BLTP3A: variants seen among roughly 807,000 people sequenced by gnomAD.
The protein encoded by BLTP3A is ICBP90 binding protein 1.
chr6:34,871,133 GT>G, the BLTP3A span: 1 of 1,602,332 alleles, frequency 6.2e-7, no homozygotes, highest in Non-Finnish European at 8.5e-7. Flanking sequence ...GGAACCTTTG[GT>G]TTTTGCCAAT....
chr6:34,853,882 C>G, the BLTP3A span, among the ~76,000 whole-genome samples: 1 of 151,856 alleles, frequency 6.6e-6, no homozygotes. Context: ...TTATATCAAG[C>G]AAAAGTTAAA....
the BLTP3A span, among the ~76,000 whole-genome samples, chr6:34,838,811 G>A: frequency 1.3e-5 from 2 of 152,134 alleles, no homozygotes; most frequent in Admixed American, 1.3e-4. Flanking sequence ...GGGCGTGGTG[G>A]CACACACCCG....
the BLTP3A span, chr6:34,864,273 A>G: frequency 7.4e-7 from 1 of 1,348,090 alleles, no homozygotes; most frequent in East Asian, 2.3e-5. Flanking sequence ...TCAGACTGGC[A>G]GGGCTAAAGA....
At chr6:34,832,124 T>TC in the BLTP3A span, among the ~76,000 whole-genome samples, 1 of 46,712 alleles carries the variant, frequency 2.1e-5, no homozygotes, top group African/African-American at 2.8e-4. Flanking sequence ...TTTTTCTTTC[T>TC]TTTTTTTTTT....
chr6:34,856,842 C>A, the BLTP3A span: 11 of 1,614,054 alleles, frequency 6.8e-6, no homozygotes, highest in Admixed American at 1.8e-4. Context: ...CCTCTCAGGG[C>A]AGACAGCCTG....
At chr6:34,814,430 T>G in the BLTP3A span, among the ~76,000 whole-genome samples, 1 of 152,086 alleles carries the variant, frequency 6.6e-6, no homozygotes, top group Non-Finnish European at 1.5e-5. Flanking sequence ...ATCCATTTTT[T>G]GTTGACTCCT....
At chr6:34,855,205 G>T in the BLTP3A span, among the ~76,000 whole-genome samples, 2 of 152,176 alleles carry the variant, frequency 1.3e-5, no homozygotes, top group Non-Finnish European at 2.9e-5. Flanking sequence ...AATAATATAG[G>T]TTATTGTTTT....
At chr6:34,871,426 A>G in the BLTP3A span, among the ~76,000 whole-genome samples, 3 of 152,184 alleles carry the variant, frequency 2.0e-5, no homozygotes, top group Non-Finnish European at 4.4e-5. Flanking sequence ...CAGTTTCACC[A>G]TCTCTAGATG....
the BLTP3A span, chr6:34,857,211 A>G: frequency 7.1e-6 from 9 of 1,262,260 alleles, no homozygotes; most frequent in East Asian, 9.8e-5. Context: ...TGTGAAAGAC[A>G]CTGTGTTCCC....
the BLTP3A span, among the ~76,000 whole-genome samples, chr6:34,825,637 A>G: frequency 2.0e-5 from 3 of 152,336 alleles, no homozygotes; most frequent in South Asian, 4.1e-4. Context: ...CATTAATCCC[A>G]TTAATGAGGA....
chr6:34,823,173 G>A, the BLTP3A span: 482 of 1,166,440 alleles, frequency 4.1e-4, no homozygotes, highest in Non-Finnish European at 5.7e-4. Context: ...TCTGGAGCAC[G>A]GAGATGAATG....
the BLTP3A span, among the ~76,000 whole-genome samples, chr6:34,804,415 C>G: frequency 6.6e-6 from 1 of 152,148 alleles, no homozygotes; most frequent in East Asian, 1.9e-4. Flanking sequence ...AAGGACCTAA[C>G]TGCCAGTAGG....
the BLTP3A span, among the ~76,000 whole-genome samples, chr6:34,820,962 T>C: frequency 6.2e-5 from 9 of 145,146 alleles, no homozygotes; most frequent in Admixed American, 4.1e-4. Flanking sequence ...CTCTGTCTGT[T>C]TTTTTTTTTT....
chr6:34,872,742 G>A, the BLTP3A span: 1 of 196,766 alleles, frequency 5.1e-6, no homozygotes, highest in Non-Finnish European at 1.0e-5. Context: ...TCTCAACACT[G>A]TAGGGCCATT....
At chr6:34,867,896 C>T in the BLTP3A span, among the ~76,000 whole-genome samples, 1 of 152,202 alleles carries the variant, frequency 6.6e-6, no homozygotes, top group Non-Finnish European at 1.5e-5. Context: ...ATTTGTGTGT[C>T]TCTTAACATA....
chr6:34,854,735 T>G, the BLTP3A span, among the ~76,000 whole-genome samples: 16 of 152,178 alleles, frequency 1.1e-4, no homozygotes, highest in Admixed American at 5.2e-4. Flanking sequence ...CCCTACTGGA[T>G]GAAGATATGC....
chr6:34,833,250 TTTTGG>T, the BLTP3A span, among the ~76,000 whole-genome samples: 1 of 152,150 alleles, frequency 6.6e-6, no homozygotes, highest in Non-Finnish European at 1.5e-5. Context: ...TTTGAGCAGA[TTTTGG>T]TATAGGAGAT....
At chr6:34,844,859 G>A in the BLTP3A span, among the ~76,000 whole-genome samples, 3 of 152,110 alleles carry the variant, frequency 2.0e-5, no homozygotes, top group Admixed American at 6.6e-5. Flanking sequence ...TTAACTTAAT[G>A]TCATCCCATT....
the BLTP3A span, among the ~76,000 whole-genome samples, chr6:34,820,834 T>TTTTC: frequency 1.4e-5 from 2 of 140,378 alleles, no homozygotes; most frequent in Non-Finnish European, 3.1e-5. Flanking sequence ...TTTTTTTTTT[T>TTTTC]AGAGATAGGG....
Sources: allele counts gnomAD v4.1 joint callset (sites outside exome capture counted in the v4.1 genomes callset), GRCh38; gene constraint gnomAD v4.1.1; transcripts MANE v1.5; gene names NCBI Gene and HGNC (gene_info 2026-07-23, HGNC 2026-07-21).